Variants in ZNF831 observed in about 807,000 individuals in gnomAD.
ZNF831 encodes the protein chromosome 20 open reading frame 174.
ZNF831 carries 59 observed loss-of-function variants against 95.8 expected under a neutral mutation model. That is an observed-to-expected ratio of 0.62 (90% CI 0.50 to 0.77). ZNF831 has a LOEUF of 0.77. Ranked by LOEUF, ZNF831 falls within the 30% of genes least tolerant of loss-of-function variation. ZNF831 has a pLI of 0.00. For synonymous variants in ZNF831, 961 were observed against 925.5 expected (o/e 1.04, Z -0.70); for missense variants, 2,205 against 2,164.0 (o/e 1.02, Z -0.38).
intron 4 of ZNF831, among the ~76,000 whole-genome samples, chr20:59,228,655 T>G (rs1395385850): frequency 6.6e-6 from 1 of 151,986 alleles, no homozygotes; most frequent in Admixed American, 6.6e-5. Flanking sequence ...GGCAAGCGAG[T>G]GAGCACAGCA....
At chr20:59,138,224 A>G (rs1346695000) in intron 1 of ZNF831, among the ~76,000 whole-genome samples, 1 of 152,236 alleles carries the variant, frequency 6.6e-6, no homozygotes, top group Non-Finnish European at 1.5e-5. Flanking sequence ...CAACCACCTC[A>G]TTATACAATT....
At chr20:59,124,313 A>G (rs1197098086) in intron 1 of ZNF831, among the ~76,000 whole-genome samples, 1 of 152,124 alleles carries the variant, frequency 6.6e-6, no homozygotes, top group Non-Finnish European at 1.5e-5. Context: ...TCATATTACC[A>G]TAGGCTGGCT....
chr20:59,155,701 G>A (rs1363303780), intron 2 of ZNF831, among the ~76,000 whole-genome samples: 1 of 152,184 alleles, frequency 6.6e-6, no homozygotes, highest in African/African-American at 2.4e-5. Flanking sequence ...GCACCGTATT[G>A]TGATGTGGCT....
chr20:59,146,564 C>T (rs756201030), intron 2 of ZNF831: 1 of 152,298 alleles, frequency 6.6e-6, no homozygotes, highest in Non-Finnish European at 1.5e-5. Context: ...CCCTTGAGAT[C>T]TCTTGAACCA....
At chr20:59,166,997 G>A (rs1253529853) in intron 1 of ZNF831, among the ~76,000 whole-genome samples, 1 of 152,192 alleles carries the variant, frequency 6.6e-6, no homozygotes, top group East Asian at 1.9e-4. Flanking sequence ...GTTAAGAAAT[G>A]GCCACCCTTT....
intron 4 of ZNF831, among the ~76,000 whole-genome samples, chr20:59,216,128 A>C (rs1265135871): frequency 6.6e-6 from 1 of 151,440 alleles, no homozygotes; most frequent in East Asian, 1.9e-4. Flanking sequence ...ATAACCACCA[A>C]CCCCCACACC....
chr20:59,185,089 G>C (rs1490689743), intron 1 of ZNF831, among the ~76,000 whole-genome samples: 1 of 150,492 alleles, frequency 6.6e-6, no homozygotes, highest in Non-Finnish European at 1.5e-5. Context: ...CGCTCAAAGA[G>C]GTAAGCCTTC....
rs1459571324 is a variant in ZNF831, at chr20:59,253,987, C to T, written c.4278C>T (p.Cys1426=). 6.2e-6 allele frequency: 10 copies of T among 1,613,658 alleles called. No homozygotes were observed. The highest frequency in any genetic ancestry group is 8.5e-6 in the Non-Finnish European group (10 of 1,180,000). The part of the protein sequence containing the change: ...TSGLSLQSDT[C]LAVVNDVPLP... Reference sequence around the variant, plus strand: ...GATTATCTCTGCAATCTGACACCTGCCTGGCAGTGGTTAATGACGTGCCTC... The same window carrying T: ...GATTATCTCTGCAATCTGACACCTGTCTGGCAGTGGTTAATGACGTGCCTC... Residue 1426 remains cysteine, a synonymous_variant, in exon 6 of 6, where the codon TGC becomes TGT. Coordinates refer to ENST00000371030, the MANE Select transcript of ZNF831 (RefSeq NM_178457.3).
chr20:59,142,155 AC>A (rs1465172623), intron 1 of ZNF831, among the ~76,000 whole-genome samples: 1 of 152,080 alleles, frequency 6.6e-6, no homozygotes, highest in East Asian at 1.9e-4. Context: ...CTCCCTCAAC[AC>A]AGTTGAGTGA....
intron 4 of ZNF831, among the ~76,000 whole-genome samples, chr20:59,223,073 A>C (rs1159773092): frequency 3.9e-5 from 6 of 152,116 alleles, no homozygotes; most frequent in Admixed American, 3.9e-4. Flanking sequence ...AAGAATGTTC[A>C]CGAAGAGGGG....
intron 1 of ZNF831, among the ~76,000 whole-genome samples, chr20:59,185,185 G>A (rs1299936005): frequency 6.6e-6 from 1 of 152,122 alleles, no homozygotes; most frequent in Non-Finnish European, 1.5e-5. Flanking sequence ...TTGATTCAGA[G>A]TGAGCAAAAT....
chr20:59,258,775 A>C lies in ZNF831; in HGVS notation c.*4032A>C, dbSNP rs1194661618. On this transcript the variant is annotated 3_prime_UTR_variant, in exon 6 of 6. Transcript: ENST00000371030. ...AAATATAAGGGTCAGAACCTAGAAA[A>C]TCTTATGTGCTGGATTTCTACCCTG... The C allele has an allele frequency of 1.3e-5, 2 of 152,196 alleles. No homozygotes were observed. The highest frequency in any genetic ancestry group is 2.9e-5 in the Non-Finnish European group (2 of 68,032). 9.4% of individuals were successfully genotyped at this position (152,196 alleles called of 1,614,324 possible). A position where few individuals can be genotyped will look rare whatever the true frequency, so the allele number is the denominator to read the frequency against.
chr20:59,215,199 T>C (rs1225193898), intron 4 of ZNF831, among the ~76,000 whole-genome samples: 1 of 152,204 alleles, frequency 6.6e-6, no homozygotes, highest in Non-Finnish European at 1.5e-5. Flanking sequence ...ATGGAGAACA[T>C]TGATGTGGTT....
upstream of ZNF831, among the ~76,000 whole-genome samples, chr20:59,163,519 G>T (rs1981012018): frequency 6.6e-6 from 1 of 152,144 alleles, no homozygotes. Flanking sequence ...GTTACATGTG[G>T]AGGTTCTGCA....
chr20:59,182,090 C>T (rs1199072262), intron 1 of ZNF831, among the ~76,000 whole-genome samples: 4 of 152,164 alleles, frequency 2.6e-5, no homozygotes, highest in African/African-American at 9.7e-5. Flanking sequence ...CCCTCCATCT[C>T]TCAGCGCCTT....
chr20:59,163,014 G>GGT (rs58451639), upstream of ZNF831, among the ~76,000 whole-genome samples: 30,554 of 136,254 alleles, frequency 0.22, 3,410 homozygotes, highest in Non-Finnish European at 0.28. Flanking sequence ...TGTATTCCTA[G>GGT]GTGTGTGTGT....
At chr20:59,137,009 C>T (rs1979530710) in intron 1 of ZNF831, among the ~76,000 whole-genome samples, 1 of 152,166 alleles carries the variant, frequency 6.6e-6, no homozygotes, top group African/African-American at 2.4e-5. Flanking sequence ...GGTGAAGCAC[C>T]TTGGACTATG....
At chr20:59,210,637 G>A (rs913109616) in intron 4 of ZNF831, among the ~76,000 whole-genome samples, 2 of 152,160 alleles carry the variant, frequency 1.3e-5, no homozygotes, top group Non-Finnish European at 2.9e-5. Flanking sequence ...AGAATGAAAA[G>A]CCCTTTCACC....
chr20:59,250,170 C>T (rs1467723145), intron 4 of ZNF831, among the ~76,000 whole-genome samples: 1 of 152,208 alleles, frequency 6.6e-6, no homozygotes, highest in Non-Finnish European at 1.5e-5. Context: ...AGTCTCTGGA[C>T]AGCATACAAA....
Sources: allele counts gnomAD v4.1 joint callset (sites outside exome capture counted in the v4.1 genomes callset), GRCh38; gene constraint gnomAD v4.1.1; transcripts MANE v1.5; gene names NCBI Gene and HGNC (gene_info 2026-07-23, HGNC 2026-07-21).